NR4A3: variants seen among roughly 807,000 people sequenced by gnomAD.
The protein encoded by NR4A3 is nuclear receptor subfamily 4 group A member 3, also known as chondrosarcoma, extraskeletal myxoid, fused to EWS.
A neutral mutation model predicts 55.6 loss-of-function variants in NR4A3; 13 were observed. The observed-to-expected ratio is 0.23, with a 90% confidence interval of 0.15 to 0.37. NR4A3 has a LOEUF of 0.37. Ranked by LOEUF, NR4A3 falls within the 10% of genes least tolerant of loss-of-function variation. NR4A3 has a pLI of 1.00. For synonymous variants in NR4A3, 342 were observed against 357.9 expected, an observed-to-expected ratio of 0.96 and a Z score of 0.50; for missense variants, 646 against 822.8, an observed-to-expected ratio of 0.79 and a Z score of 2.63.
intron 6 of NR4A3, among the ~76,000 whole-genome samples, chr9:99,846,665 T>G (rs1432952288): frequency 6.6e-6 from 1 of 152,202 alleles, no homozygotes; most frequent in African/African-American, 2.4e-5. Flanking sequence ...TGTTTTGTTT[T>G]GAGACAGAGT....
At chr9:99,850,527 A>C (rs943518447) in intron 7 of NR4A3, among the ~76,000 whole-genome samples, 2 of 152,182 alleles carry the variant, frequency 1.3e-5, no homozygotes, top group Middle Eastern at 3.2e-3. Flanking sequence ...CATTTGTTCT[A>C]TTCCCTGCAG....
rs560471054 is a variant in NR4A3 at position 99,865,458 on chromosome 9, A to G, written c.*1591A>G. 5 of 183,228 alleles carry G rather than the reference A, an allele frequency of 2.7e-5. No homozygotes were observed. Among genetic ancestry groups the G allele is most frequent in the Non-Finnish European group, 5.8e-5 (5 of 85,812 alleles). The allele number at this position is 183,228 out of a possible 1,614,324, so 11.4% of individuals were successfully genotyped here. ...CAGTACTGTTTAGCACTTTGATATT[A>G]AAATTTTGCTTATGTTTTGCTAAAT... On this transcript the variant is annotated 3_prime_UTR_variant, in exon 8 of 8. Coordinates refer to ENST00000395097, the MANE Select transcript of NR4A3 (RefSeq NM_006981.4). The surrounding 1 kb of genome is among the most constrained non-coding windows in gnomAD (Gnocchi z 4.3).
rs181719700 is a variant in NR4A3, at chr9:99,847,850, A to G, written c.1633+235A>G. Among the ~76,000 whole-genome samples, 5 of 152,354 alleles carry G rather than the reference A, an allele frequency of 3.3e-5. No homozygotes were observed. In the East Asian group the frequency reaches 9.6e-4, roughly 29 times the overall value. On this transcript the variant is annotated intron_variant, in intron 7 of 7. Transcript: ENST00000395097. Reference sequence around the variant, plus strand: ...TGAATTATCATTGTCAGTAAGCCCAATATACGAAAATCTAACTTCCTACTA... The same window carrying G: ...TGAATTATCATTGTCAGTAAGCCCAGTATACGAAAATCTAACTTCCTACTA...
At chr9:99,851,106 GTTCCTGCCCTCA>G (rs1452884406) in intron 7 of NR4A3, among the ~76,000 whole-genome samples, 2 of 152,194 alleles carry the variant, frequency 1.3e-5, no homozygotes, top group African/African-American at 4.8e-5. Flanking sequence ...GGTAGCTCCT[GTTCCTGCCCTCA>G]TTCCTGCTGT....
At position 99,835,379 on chromosome 9, in the gene NR4A3, CAAGTGTATTGAACCT is replaced by C. The variant is rs529993269; in HGVS notation, c.1254+1928_1254+1942del. ...ATTAGGAGCCAAGTATATTAAGAGC[CAAGTGTATTGAACCT>C]AAAATCTGGGCTCCTAAATACCAAG... On this transcript the variant is annotated intron_variant, in intron 5 of 7. Transcript: ENST00000395097. Among the ~76,000 whole-genome samples the C allele has an allele frequency of 5.0e-4, 76 of 152,284 alleles. 1 individual carries two copies. In the East Asian group the frequency reaches 0.013, roughly 27 times the overall value.
chr9:99,824,904 T>A (rs1369556668), intron 1 of NR4A3, among the ~76,000 whole-genome samples: 1 of 152,080 alleles, frequency 6.6e-6, no homozygotes, highest in African/African-American at 2.4e-5. Context: ...GCCAGGAGCC[T>A]CCAAGCCGCC....
chr9:99,844,253 C>T, intron 5 of NR4A3, among the ~76,000 whole-genome samples: 1 of 152,148 alleles, frequency 6.6e-6, no homozygotes. Flanking sequence ...GGCTACTCCA[C>T]TTTGGAGTCA....
At chr9:99,856,604 G>C (rs558584375) in intron 7 of NR4A3, among the ~76,000 whole-genome samples, 17 of 152,194 alleles carry the variant, frequency 1.1e-4, no homozygotes, top group Non-Finnish European at 2.1e-4. Context: ...TTTGAAATTG[G>C]AATAAGCTGC....
intron 4 of NR4A3, 145 bp from the exon 5 acceptor site, chr9:99,833,137 A>G (rs1240189405): frequency 9.3e-7 from 1 of 1,078,058 alleles, no homozygotes; most frequent in Non-Finnish European, 1.3e-6. Context: ...TTGTGTGAAT[A>G]TTATTCCAAA....
intron 5 of NR4A3, among the ~76,000 whole-genome samples, chr9:99,841,614 CA>C (rs2118570563): frequency 6.6e-6 from 1 of 152,292 alleles, no homozygotes; most frequent in Non-Finnish European, 1.5e-5. Flanking sequence ...TTAATCATCA[CA>C]GCAAAATTTT....
At position 99,822,238 on chromosome 9, in the gene NR4A3, C is replaced by T. The variant is rs1461392186; in HGVS notation, c.-346C>T. The T allele has an allele frequency of 2.6e-5, 4 of 152,334 alleles. No individual in the cohort carries two copies. Among genetic ancestry groups the T allele is most frequent in the African/African-American group, 7.2e-5 (3 of 41,410 alleles). 9.4% of individuals were successfully genotyped at this position (152,334 alleles called of 1,614,324 possible). On this transcript the variant is annotated 5_prime_UTR_variant, in exon 1 of 8. Coordinates refer to ENST00000395097, the MANE Select transcript of NR4A3 (RefSeq NM_006981.4). The surrounding 1 kb of genome is among the most constrained non-coding windows in gnomAD (Gnocchi z 4.9). ...CGCGGAACCTCTCGGCTGTGCTCTC[C>T]CATGAGTCGGGATCGCAGCATCCCC...
chr9:99,864,106 A>AGGGGGTGGGGGGGGGG lies in NR4A3; in HGVS notation c.*245_*246insGGGGGGGGGGGGGGGT. On this transcript the variant is annotated 3_prime_UTR_variant, in exon 8 of 8. Coordinates refer to ENST00000395097, the MANE Select transcript of NR4A3 (RefSeq NM_006981.4). ...TTTAGGCATTGGGGGATGGGGTGGGAGGGGGTTATAGTTCATGAGGGTTTT... is the reference window on the plus strand; with the variant it reads ...TTTAGGCATTGGGGGATGGGGTGGGAGGGGGTGGGGGGGGGGGGGGGTTATAGTTCATGAGGGTTTT... The AGGGGGTGGGGGGGGGG allele has an allele frequency of 3.4e-6, 1 of 296,160 alleles. No individual in the cohort carries two copies. The highest frequency in any genetic ancestry group is 6.4e-6 in the Non-Finnish European group (1 of 155,316). The allele number at this position is 296,160 out of a possible 1,614,324, so 18.3% of individuals were successfully genotyped here.
intron 5 of NR4A3, among the ~76,000 whole-genome samples, chr9:99,841,969 C>CA (rs796405214): frequency 6.6e-6 from 1 of 151,128 alleles, no homozygotes; most frequent in African/African-American, 2.4e-5. Context: ...GACCCTGTCT[C>CA]AAAAAAAAAT....
intron 5 of NR4A3, among the ~76,000 whole-genome samples, chr9:99,837,021 T>C (rs1827570163): frequency 6.6e-6 from 1 of 152,212 alleles, no homozygotes. Flanking sequence ...GAAAAATGTC[T>C]ATTTAGGTTT....
At position 99,825,342 on chromosome 9, in the gene NR4A3, G is replaced by A. The variant is rs558789729; in HGVS notation, c.-176-317G>A. ...TCGTAAGCTCGGAATCAATTGTGGGGGCAGAGAGATCAATTTCTGGGCAAT... is the reference window on the plus strand; with the variant it reads ...TCGTAAGCTCGGAATCAATTGTGGGAGCAGAGAGATCAATTTCTGGGCAAT... On this transcript the variant is annotated intron_variant, in intron 1 of 7. Transcript: ENST00000395097. This position sits in a 1 kb window ranked among gnomAD's most constrained non-coding sequence, Gnocchi z 5.0. 6.6e-6 allele frequency among the ~76,000 whole-genome samples: 1 copy of A among 151,952 alleles called. No individual in the cohort carries two copies. Among genetic ancestry groups the A allele is most frequent in the Non-Finnish European group, 1.5e-5 (1 of 67,980 alleles).
At chr9:99,838,219 G>C (rs1008383377) in intron 5 of NR4A3, among the ~76,000 whole-genome samples, 1 of 152,216 alleles carries the variant, frequency 6.6e-6, no homozygotes, top group Non-Finnish European at 1.5e-5. Flanking sequence ...AACATACTTA[G>C]TGTCCTCATT....
chr9:99,843,605 G>C (rs1360433224), intron 5 of NR4A3, among the ~76,000 whole-genome samples: 3 of 152,110 alleles, frequency 2.0e-5, no homozygotes, highest in Non-Finnish European at 4.4e-5. Context: ...AATTGCTTGA[G>C]TCTAGGAAAT....
chr9:99,835,091 G>T (rs781385748), intron 5 of NR4A3: 2 of 184,868 alleles, frequency 1.1e-5, no homozygotes, highest in African/African-American at 4.8e-5. Context: ...TCTACTTCCT[G>T]GGGTTGTTCG....
intron 7 of NR4A3, among the ~76,000 whole-genome samples, chr9:99,861,188 T>G (rs1828002477): frequency 6.6e-6 from 1 of 152,204 alleles, no homozygotes; most frequent in South Asian, 2.1e-4. Context: ...TCCATGGAGA[T>G]CCCGCTGGCA....
Sources: allele counts gnomAD v4.1 joint callset (sites outside exome capture counted in the v4.1 genomes callset), GRCh38; gene constraint gnomAD v4.1.1; non-coding constraint Gnocchi (gnomAD v3.1); transcripts MANE v1.5; gene names NCBI Gene and HGNC (gene_info 2026-07-23, HGNC 2026-07-21).